NSD3: variants seen among roughly 807,000 people sequenced by gnomAD.
The protein encoded by NSD3 is histone-lysine N-methyltransferase NSD3.
In NSD3, 24 loss-of-function variants were observed where a neutral mutation model predicts 160.8. That is an observed-to-expected ratio of 0.15 (90% CI 0.11 to 0.21). The LOEUF is 0.21. NSD3 is among the 10% of genes least tolerant of loss of function. NSD3 has a pLI of 1.00. For synonymous variants in NSD3, 520 were observed against 600.0 expected, an observed-to-expected ratio of 0.87 and a Z score of 1.95; for missense variants, 1,157 against 1,735.9, an observed-to-expected ratio of 0.67 and a Z score of 5.93.
Position 38,288,081 on chromosome 8 carries a change from C to G in NSD3, c.3501+406G>C, listed in dbSNP as rs1808909155. Among the ~76,000 whole-genome samples the G allele has an allele frequency of 6.6e-6, 1 of 151,996 alleles. No homozygotes were observed. The highest frequency in any genetic ancestry group is 1.5e-5 in the Non-Finnish European group (1 of 68,018). On this transcript the variant is annotated intron_variant, in intron 19 of 23. Transcript: ENST00000317025. This position sits in a 1 kb window ranked among gnomAD's most constrained non-coding sequence, Gnocchi z 4.5. The stretch of plus-strand genomic sequence containing the variant: ...AGACCCTATCCAGCTACTCGGGAGG[C>G]TGAAGTGGGAGGATCTCTTGAGCCC...
At chr8:38,378,614 C>G (rs1811460484) in intron 1 of NSD3, among the ~76,000 whole-genome samples, 1 of 152,032 alleles carries the variant, frequency 6.6e-6, no homozygotes, top group African/African-American at 2.4e-5. Context: ...TGCACTCCAG[C>G]CTGGGTGACA....
chr8:38,311,035 G>A (rs1423764697), intron 12 of NSD3, among the ~76,000 whole-genome samples: 1 of 148,084 alleles, frequency 6.8e-6, no homozygotes, highest in Non-Finnish European at 1.5e-5. Flanking sequence ...TGGGTATCAA[G>A]TGGCATCTCA....
intron 19 of NSD3, among the ~76,000 whole-genome samples, chr8:38,285,683 T>A (rs762160938): frequency 6.6e-6 from 1 of 152,244 alleles, no homozygotes; most frequent in South Asian, 2.1e-4. Context: ...AGGCAAAAAT[T>A]TGTATATATG....
chr8:38,304,821 T>G, intron 13 of NSD3, 64 bp from the exon 14 acceptor site: 1 of 1,507,902 alleles, frequency 6.6e-7, no homozygotes, highest in Non-Finnish European at 8.8e-7. Flanking sequence ...AATAAGTTTC[T>G]GGAGTTGGGC....
rs1810576182 is a variant in NSD3, at chr8:38,347,929, T to C, written c.243A>G (p.Glu81=). ...NGYPSSISVY[E]TQTKYQSYNQ... is the part of the protein sequence containing the mutation. ...TATATGACTGGTATTTGGTTTGAGT[T>C]TCATACACACTGATTGATGATGGAT... Residue 81 remains glutamate, a synonymous_variant, in exon 2 of 24, where the codon GAA becomes GAG. Coordinates refer to ENST00000317025, the MANE Select transcript of NSD3 (RefSeq NM_023034.2). 6.2e-7 allele frequency: 1 copy of C among 1,614,104 alleles called. No homozygotes were observed. Among genetic ancestry groups the C allele is most frequent in the African/African-American group, 1.3e-5 (1 of 74,928 alleles).
intron 14 of NSD3, among the ~76,000 whole-genome samples, chr8:38,302,032 C>A (rs1239660353): frequency 2.6e-5 from 4 of 152,200 alleles, no homozygotes; most frequent in Non-Finnish European, 5.9e-5. Flanking sequence ...CTTGTGACTC[C>A]ACGATTAGGT....
At chr8:38,361,925 G>A (rs1810977289) in intron 1 of NSD3, among the ~76,000 whole-genome samples, 1 of 151,966 alleles carries the variant, frequency 6.6e-6, no homozygotes, top group African/African-American at 2.4e-5. Flanking sequence ...GGAAGAGAGA[G>A]GAGCTCCTTT....
chr8:38,309,192 G>C (rs1473157797), intron 12 of NSD3, among the ~76,000 whole-genome samples: 1 of 151,912 alleles, frequency 6.6e-6, no homozygotes, highest in African/African-American at 2.4e-5. Context: ...TGGAGGCTGG[G>C]CACAGTGGCT....
At chr8:38,292,222 A>G (rs1009498012) in intron 16 of NSD3, among the ~76,000 whole-genome samples, 1 of 152,266 alleles carries the variant, frequency 6.6e-6, no homozygotes, top group Non-Finnish European at 1.5e-5. Context: ...TTCAATTATG[A>G]AAGCAGTATG....
intron 3 of NSD3, among the ~76,000 whole-genome samples, chr8:38,338,305 G>GAAA: frequency 1.0e-5 from 1 of 96,340 alleles, no homozygotes; most frequent in African/African-American, 4.1e-5. Flanking sequence ...GTCTCAAAAA[G>GAAA]AAAAAAAAAA....
At chr8:38,293,922 C>CAAAAAAAAA (rs11290856) in intron 16 of NSD3, among the ~76,000 whole-genome samples, 6 of 49,936 alleles carry the variant, frequency 1.2e-4, no homozygotes, top group African/African-American at 1.9e-4. Flanking sequence ...GACTCCGTCT[C>CAAAAAAAAA]AAAAAAAAAA....
intron 1 of NSD3, among the ~76,000 whole-genome samples, chr8:38,377,441 G>C (rs1464139196): frequency 6.6e-6 from 1 of 152,048 alleles, no homozygotes; most frequent in Non-Finnish European, 1.5e-5. Flanking sequence ...TTTCCCCCTC[G>C]GGGTTCAGGC....
Position 38,321,296 on chromosome 8 carries a change from C to A in NSD3, c.1709-124G>T. ...TTACTTTTGGAATTTTAATTAAAATCATTAAAAAATGCTAAACATTCAGGA... is the reference window on the plus strand; with the variant it reads ...TTACTTTTGGAATTTTAATTAAAATAATTAAAAAATGCTAAACATTCAGGA... On this transcript the variant is annotated intron_variant, in intron 7 of 23. Coordinates refer to ENST00000317025, the MANE Select transcript of NSD3 (RefSeq NM_023034.2). This position sits in a 1 kb window ranked among gnomAD's most constrained non-coding sequence, Gnocchi z 4.7. The A allele has an allele frequency of 2.9e-6, 2 of 693,810 alleles. No homozygotes were observed. Among genetic ancestry groups the A allele is most frequent in the Non-Finnish European group, 4.6e-6 (2 of 434,310 alleles). The allele number at this position is 693,810 out of a possible 1,614,324, so 43.0% of individuals were successfully genotyped here.
intron 16 of NSD3, 80 bp downstream of exon 16, chr8:38,295,716 C>G: frequency 7.2e-7 from 1 of 1,379,406 alleles, no homozygotes; most frequent in Non-Finnish European, 9.9e-7. Context: ...CTATCTATCT[C>G]CAAGTCACTC....
At chr8:38,376,147 C>T (rs1164743552) in intron 1 of NSD3, among the ~76,000 whole-genome samples, 2 of 151,768 alleles carry the variant, frequency 1.3e-5, no homozygotes, top group Non-Finnish European at 2.9e-5. Flanking sequence ...TAATTTTTTT[C>T]GTTTCATCGC....
At chr8:38,379,145 G>A (rs1444536235) in intron 1 of NSD3, among the ~76,000 whole-genome samples, 3 of 151,970 alleles carry the variant, frequency 2.0e-5, no homozygotes, top group Non-Finnish European at 4.4e-5. Context: ...CAGGTGGGCT[G>A]ATGGACATAT....
Position 38,324,218 on chromosome 8 carries a change from T to G in NSD3, c.1708+2512A>C, listed in dbSNP as rs565357042. ...ATGATACAAGTTGCAAATGTAGTAC[T>G]GGACTTTGCTATTCACTCCCTCCTT... is the stretch of plus-strand genomic sequence containing the variant. On this transcript the variant is annotated intron_variant, in intron 7 of 23. Transcript: ENST00000317025. Among the ~76,000 whole-genome samples the G allele has an allele frequency of 3.9e-5, 6 of 152,366 alleles. No homozygotes were observed. The South Asian group carries it at 1.2e-3, about 32-fold the overall frequency.
At position 38,329,793 on chromosome 8, in the gene NSD3, T is replaced by C; in HGVS notation, c.1166A>G (p.Gln389Arg). The C allele has an allele frequency of 6.2e-7, 1 of 1,614,110 alleles. No homozygotes were observed. Among genetic ancestry groups the C allele is most frequent in the Non-Finnish European group, 8.5e-7 (1 of 1,179,978 alleles). The part of the protein sequence containing the change: ...LKMTREERIE[Q>R]YTFIYIDKQP... ...TTTATCAATGTAAATAAAAGTATAC[T>C]GTTCTATTCTTTCTTCTCGAGTCAT... is the stretch of plus-strand genomic sequence containing the variant. The change falls in exon 6 of 24, where the codon CAG becomes CGG. Residue 389 changes from glutamine (Q) to arginine (R), a missense_variant. Gln to Arg is a conservative substitution (Grantham distance 43, BLOSUM62 1). Around this residue, in one of 10 missense-constraint regions of NSD3, gnomAD observed 168 missense variants for 208.1 expected, o/e 0.81. Transcript: ENST00000317025. The surrounding 1 kb of genome is among the most constrained non-coding windows in gnomAD (Gnocchi z 4.8).
chr8:38,306,991 T>G (rs563938884), intron 12 of NSD3, among the ~76,000 whole-genome samples: 1 of 151,486 alleles, frequency 6.6e-6, no homozygotes, highest in South Asian at 2.1e-4. Context: ...GGCGGGCGCC[T>G]GTAGTCGCAG....
Sources: allele counts gnomAD v4.1 joint callset (sites outside exome capture counted in the v4.1 genomes callset), GRCh38; gene constraint gnomAD v4.1.1; regional missense constraint gnomAD v4.1.1; non-coding constraint Gnocchi (gnomAD v3.1); transcripts MANE v1.5; gene names NCBI Gene and HGNC (gene_info 2026-07-23, HGNC 2026-07-21).